Variants in KIDINS220 observed in about 807,000 individuals in gnomAD.
KIDINS220 encodes kinase D interacting substrate 220.
A neutral mutation model predicts 157.6 loss-of-function variants in KIDINS220; 63 were observed. That is an observed-to-expected ratio of 0.40 (90% CI 0.33 to 0.49). KIDINS220 has a LOEUF of 0.49. Among genes scored for constraint, KIDINS220 ranks in the 20% least tolerant of loss-of-function variants. KIDINS220 has a pLI of 0.66. For missense variants in KIDINS220, 1,772 were observed against 2,171.2 expected, an observed-to-expected ratio of 0.82 and a Z score of 3.65; for synonymous variants, 732 against 783.6, an observed-to-expected ratio of 0.93 and a Z score of 1.10.
chr2:8,767,676 C>T (rs1034092140), intron 22 of KIDINS220, among the ~76,000 whole-genome samples: 1 of 152,030 alleles, frequency 6.6e-6, no homozygotes, highest in East Asian at 1.9e-4. Context: ...GTGAGAGCTA[C>T]AAGAGGTATG....
chr2:8,744,401 A>AATATATATATATATAT (rs1474558259), intron 26 of KIDINS220, among the ~76,000 whole-genome samples: 1 of 7,012 alleles, frequency 1.4e-4, no homozygotes, highest in Non-Finnish European at 2.1e-4. Context: ...ATATATATAT[A>AATATATATATATATAT]ATATATATAT....
downstream of KIDINS220, chr2:8,724,152 G>C (rs1034756049): frequency 2.6e-5 from 4 of 152,508 alleles, no homozygotes; most frequent in African/African-American, 7.2e-5. The surrounding 1 kb of genome is among the most constrained non-coding windows in gnomAD (Gnocchi z 4.6). Flanking sequence ...CAGCAGAAAA[G>C]CTTACAGGGG....
chr2:8,801,528 A>G (rs755782844), intron 8 of KIDINS220, among the ~76,000 whole-genome samples: 1 of 152,254 alleles, frequency 6.6e-6, no homozygotes, highest in Non-Finnish European at 1.5e-5. Flanking sequence ...AAGAATTTAC[A>G]GCCTGGCAGA....
At chr2:8,787,982 A>T (rs974798183) in intron 15 of KIDINS220, among the ~76,000 whole-genome samples, 1 of 152,184 alleles carries the variant, frequency 6.6e-6, no homozygotes, top group African/African-American at 2.4e-5. Context: ...CTGGGGACCA[A>T]GGCCAGTGGC....
At position 8,812,262 on chromosome 2, in the gene KIDINS220, T is replaced by C. The variant is rs567625369; in HGVS notation, c.504+133A>G. 4 of 365,704 alleles carry C rather than the reference T, an allele frequency of 1.1e-5. No individual in the cohort carries two copies. The East Asian group carries it at 1.7e-4, about 16-fold the overall frequency. 22.7% of individuals were successfully genotyped at this position (365,704 alleles called of 1,614,324 possible). ...AATCCATCTATGAGATATATATCTA[T>C]ATAAAATACATTAATATACAAAAAT... On this transcript the variant is annotated intron_variant, in intron 6 of 29. Coordinates refer to ENST00000256707, the MANE Select transcript of KIDINS220 (RefSeq NM_020738.4).
At chr2:8,757,645 G>A in intron 22 of KIDINS220, 1 of 1,610,952 alleles carries the variant, frequency 6.2e-7, no homozygotes, top group Non-Finnish European at 8.5e-7. Flanking sequence ...GTGCATCTCT[G>A]AGGGAGTCAT....
At chr2:8,721,305 A>T (rs912949766), downstream of KIDINS220, 3 of 152,222 alleles carry the variant, frequency 2.0e-5, no homozygotes, top group Non-Finnish European at 4.4e-5. Flanking sequence ...TGACAATAAG[A>T]CTGCAAATAA....
chr2:8,757,927 A>G (rs1479876358), intron 22 of KIDINS220: 5 of 713,696 alleles, frequency 7.0e-6, no homozygotes, highest in African/African-American at 1.8e-5. Flanking sequence ...CAGTGGTGCA[A>G]TCTCGGCTCA....
intron 27 of KIDINS220, 95 bp from the exon 28 acceptor site, chr2:8,734,848 A>C (rs972651134): frequency 2.2e-6 from 2 of 890,472 alleles, no homozygotes; most frequent in Non-Finnish European, 3.4e-6. Context: ...TTTAGTTTTA[A>C]ATAAGTCTCT....
chr2:8,789,346 GGCGCCATCTCGGCT>G (rs1387678179), intron 14 of KIDINS220, among the ~76,000 whole-genome samples: 3 of 50,994 alleles, frequency 5.9e-5, no homozygotes, highest in Admixed American at 2.9e-4. Flanking sequence ...GGAGAGCAGT[GGCGCCATCTCGGCT>G]CACTGCAACC....
intron 1 of KIDINS220, among the ~76,000 whole-genome samples, chr2:8,828,317 G>C (rs546272157): frequency 6.6e-6 from 1 of 152,276 alleles, no homozygotes; most frequent in South Asian, 2.1e-4. Flanking sequence ...AGTCTCACCG[G>C]ATGTGGGATG....
chr2:8,736,890 T>C lies in KIDINS220; in HGVS notation c.3695A>G (p.Gln1232Arg). ...CACCTTTTTGATCGTGGTACAATACTGAGGCAGCATACTCTGGTCCAGCCC... is the reference window on the plus strand; with the variant it reads ...CACCTTTTTGATCGTGGTACAATACCGAGGCAGCATACTCTGGTCCAGCCC... The part of the protein sequence containing the change: ...IEGLDQSMLP[Q>R]YCTTIKKANI... The change falls in exon 27 of 30, where the codon CAG becomes CGG. Residue 1232 changes from glutamine to arginine, a missense_variant. Coordinates refer to ENST00000256707, the MANE Select transcript of KIDINS220 (RefSeq NM_020738.4). 1 of 1,614,204 alleles carries C rather than the reference T, an allele frequency of 6.2e-7. No homozygotes were observed. The highest frequency in any genetic ancestry group is 8.5e-7 in the Non-Finnish European group (1 of 1,180,020).
rs1225859602 is a variant in KIDINS220 at position 8,788,749 on chromosome 2, G to A, written c.1685C>T (p.Thr562Ile). ...ESWNWAWVLSTRLARHIGYLE... is the reference protein window; with the variant it reads ...ESWNWAWVLSIRLARHIGYLE... ...ATATCCAATATGTCTTGCCAATCTA[G>A]TGCTGAGGACCCAGGCCCAATTCCA... Residue 562 changes from threonine to isoleucine, a missense_variant, in exon 15 of 30, where the codon ACT (threonine) becomes ATT (isoleucine). Physicochemically the swap from Thr to Ile is moderately conservative, Grantham distance 89. Around this residue, in one of 3 missense-constraint regions of KIDINS220, gnomAD observed 725 missense variants for 1,017.1 expected, o/e 0.71. Coordinates refer to ENST00000256707, the MANE Select transcript of KIDINS220 (RefSeq NM_020738.4). 6.2e-7 allele frequency: 1 copy of A among 1,614,058 alleles called. No homozygotes were observed. Among genetic ancestry groups the A allele is most frequent in the East Asian group, 2.2e-5 (1 of 44,884 alleles).
chr2:8,747,373 T>C, intron 25 of KIDINS220, 172 bp from the exon 26 acceptor site: 1 of 595,778 alleles, frequency 1.7e-6, no homozygotes, highest in East Asian at 2.8e-5. Flanking sequence ...TTTTAAACTA[T>C]TACTTTTATC....
chr2:8,806,209 T>G, intron 7 of KIDINS220, 62 bp downstream of exon 7: 4 of 1,223,566 alleles, frequency 3.3e-6, no homozygotes, highest in Non-Finnish European at 4.7e-6. Context: ...AAGAAATAAA[T>G]TCTCTCTCTT....
chr2:8,733,142 G>GA (rs755883164), intron 29 of KIDINS220, among the ~76,000 whole-genome samples: 1 of 152,194 alleles, frequency 6.6e-6, no homozygotes, highest in Non-Finnish European at 1.5e-5. Context: ...GAGAAAGGCT[G>GA]AATTTGCTGA....
chr2:8,722,647 C>G (rs1253516962), downstream of KIDINS220: 1 of 152,114 alleles, frequency 6.6e-6, no homozygotes, highest in Non-Finnish European at 1.5e-5. Flanking sequence ...GAAAATTGAG[C>G]AGATTCTGGG....
Position 8,793,892 on chromosome 2 carries a change from A to G in KIDINS220, c.1194T>C (p.Tyr398=). 1 of 1,614,036 alleles carries G rather than the reference A, an allele frequency of 6.2e-7. No individual in the cohort carries two copies. The highest frequency in any genetic ancestry group is 8.5e-7 in the Non-Finnish European group (1 of 1,179,942). The change falls in exon 12 of 30, where the codon TAT becomes TAC. Residue 398 remains tyrosine, a synonymous_variant. Coordinates refer to ENST00000256707, the MANE Select transcript of KIDINS220 (RefSeq NM_020738.4). ...GAGTCTCGCCTGCTTTGTTGGGCCT[A>G]TAAAGTAATCGCCCATCTTTGGGAT... is the stretch of plus-strand genomic sequence containing the variant. ...LRNPKDGRLL[Y]RPNKAGETPY...
intron 22 of KIDINS220, chr2:8,757,305 C>T (rs1668132007): frequency 9.9e-7 from 1 of 1,009,210 alleles, no homozygotes; most frequent in South Asian, 4.1e-5. Context: ...GCATGTCCTA[C>T]AACATAGAAC....
Sources: allele counts gnomAD v4.1 joint callset (sites outside exome capture counted in the v4.1 genomes callset), GRCh38; gene constraint gnomAD v4.1.1; regional missense constraint gnomAD v4.1.1; non-coding constraint Gnocchi (gnomAD v3.1); transcripts MANE v1.5; gene names NCBI Gene and HGNC (gene_info 2026-07-23, HGNC 2026-07-21).